Variants in EYS observed in about 807,000 individuals in gnomAD.
The protein encoded by EYS is EGF-like photoreceptor maintenance factor.
A neutral mutation model predicts 282.1 loss-of-function variants in EYS; 250 were observed. That is an observed-to-expected ratio of 0.89 (90% confidence interval 0.80 to 0.98). The LOEUF is 0.98. EYS is among the 50% of genes least tolerant of loss of function. EYS has a pLI of 0.00. For missense variants in EYS, 4,016 were observed against 3,709.0 expected, an observed-to-expected ratio of 1.08 and a Z score of -2.15; for synonymous variants, 1,355 against 1,282.9, an observed-to-expected ratio of 1.06 and a Z score of -1.20.
intron 1 of EYS, among the ~76,000 whole-genome samples, chr6:65,688,113 C>G (rs1311488989): frequency 1.3e-5 from 2 of 152,020 alleles, no homozygotes; most frequent in Non-Finnish European, 1.5e-5. Flanking sequence ...AAAAATGAGC[C>G]CACATTGCCA....
intron 15 of EYS, among the ~76,000 whole-genome samples, chr6:64,914,808 A>T (rs1768110738): frequency 6.6e-6 from 1 of 151,666 alleles, no homozygotes; most frequent in Non-Finnish European, 1.5e-5. Flanking sequence ...AGCTGTCTAA[A>T]TTTTTTTTTA....
At chr6:63,844,058 A>G (rs1007144764) in intron 36 of EYS, among the ~76,000 whole-genome samples, 2 of 152,048 alleles carry the variant, frequency 1.3e-5, no homozygotes, top group African/African-American at 4.8e-5. Context: ...CCCTGTGTCC[A>G]TGTGTTCTAG....
intron 16 of EYS, among the ~76,000 whole-genome samples, chr6:64,910,776 C>T (rs1436470382): frequency 6.6e-6 from 1 of 151,852 alleles, no homozygotes; most frequent in African/African-American, 2.4e-5. Context: ...ACTTTCTTTC[C>T]CTAAACCCGT....
rs1050857420 is a variant in EYS at position 65,689,742 on chromosome 6, A to G, written c.-448+17393T>C. 6.1e-4 allele frequency among the ~76,000 whole-genome samples: 92 copies of G among 149,866 alleles called. 2 individuals carry two copies. The highest frequency in any genetic ancestry group is 1.0e-3 in the Admixed American group (15 of 14,860). On this transcript the variant is annotated intron_variant, in intron 1 of 42. Coordinates refer to ENST00000503581, the MANE Select transcript of EYS (RefSeq NM_001142800.2). ...TCTGGGATACATGTGCAGAATGTGC[A>G]GATTTGTTACATAGGTATACATGTG... is the stretch of plus-strand genomic sequence containing the variant.
At chr6:64,376,390 T>C (rs1772561474) in intron 29 of EYS, among the ~76,000 whole-genome samples, 1 of 152,092 alleles carries the variant, frequency 6.6e-6, no homozygotes, top group South Asian at 2.1e-4. Context: ...ACCCTGAGGA[T>C]AAATACCCAG....
At chr6:64,202,952 A>G (rs1765507360) in intron 31 of EYS, among the ~76,000 whole-genome samples, 1 of 152,206 alleles carries the variant, frequency 6.6e-6, no homozygotes, top group Non-Finnish European at 1.5e-5. Flanking sequence ...TAGTCTCCAC[A>G]TTGTGAGAAA....
chr6:64,560,711 A>T lies in EYS; in HGVS notation c.5644+29512T>A, dbSNP rs149565214. On this transcript the variant is annotated intron_variant, in intron 26 of 42. Coordinates refer to ENST00000503581, the MANE Select transcript of EYS (RefSeq NM_001142800.2). ...ATAAAAATTTTCCTCAAAAAAATTT[A>T]AAAAATAAAGTTTGTTATATAAAAA... 1.9e-4 allele frequency among the ~76,000 whole-genome samples: 29 copies of T among 152,312 alleles called. No homozygotes were observed. In the East Asian group the frequency reaches 5.6e-3, roughly 29 times the overall value.
At chr6:64,660,928 A>G (rs1768989676) in intron 22 of EYS, among the ~76,000 whole-genome samples, 1 of 152,238 alleles carries the variant, frequency 6.6e-6, no homozygotes, top group Non-Finnish European at 1.5e-5. Context: ...CCGCATTGCC[A>G]AGTCAATCCT....
chr6:64,039,641 G>T lies in EYS; in HGVS notation c.6725+26697C>A, dbSNP rs112333676. On this transcript the variant is annotated intron_variant, in intron 33 of 42. Coordinates refer to ENST00000503581, the MANE Select transcript of EYS (RefSeq NM_001142800.2). ...GCAGTCTTAAAATTTATTTAAATGG[G>T]AATATAAGGTTGCCATTGTTTTAAT... Among the ~76,000 whole-genome samples, 1,206 of 152,100 alleles carry T rather than the reference G, an allele frequency of 7.9e-3. 11 individuals carry two copies. Among genetic ancestry groups the T allele is most frequent in the Middle Eastern group, 0.037 (11 of 294 alleles).
chr6:64,416,988 G>A (rs1774077000), intron 28 of EYS, among the ~76,000 whole-genome samples: 1 of 152,142 alleles, frequency 6.6e-6, no homozygotes, highest in South Asian at 2.1e-4. Flanking sequence ...GCAAGTGATG[G>A]TGGTAGTAGA....
intron 13 of EYS, among the ~76,000 whole-genome samples, chr6:65,029,729 C>T (rs192796496): frequency 1.3e-5 from 2 of 152,228 alleles, no homozygotes; most frequent in African/African-American, 4.8e-5. Flanking sequence ...GAGCATCTCC[C>T]AGCAAGAGAC....
chr6:64,642,439 T>A (rs1383087956), intron 22 of EYS, among the ~76,000 whole-genome samples: 1 of 152,222 alleles, frequency 6.6e-6, no homozygotes, highest in Non-Finnish European at 1.5e-5. Context: ...TTTCCTATAC[T>A]TACAATCGAT....
intron 39 of EYS, among the ~76,000 whole-genome samples, chr6:63,782,284 TC>T (rs1480230019): frequency 2.6e-5 from 4 of 152,222 alleles, no homozygotes; most frequent in Non-Finnish European, 5.9e-5. Context: ...TAGGGAAGAT[TC>T]CCTCTTTTTC....
intron 22 of EYS, among the ~76,000 whole-genome samples, chr6:64,791,092 C>G (rs1302736078): frequency 6.6e-6 from 1 of 151,794 alleles, no homozygotes. Context: ...GCATGGATTA[C>G]AGCTTTTCTC....
intron 33 of EYS, among the ~76,000 whole-genome samples, chr6:64,056,820 A>G (rs1771001928): frequency 6.6e-6 from 1 of 152,198 alleles, no homozygotes; most frequent in African/African-American, 2.4e-5. Flanking sequence ...GCCACTGGGT[A>G]CTGTGAACAT....
At chr6:64,243,076 T>C (rs1200915155) in intron 30 of EYS, among the ~76,000 whole-genome samples, 1 of 148,062 alleles carries the variant, frequency 6.8e-6, no homozygotes, top group Non-Finnish European at 1.5e-5. Flanking sequence ...TATGAAATTA[T>C]ATATTTACAT....
intron 30 of EYS, among the ~76,000 whole-genome samples, chr6:64,249,197 C>A (rs1415072927): frequency 6.6e-6 from 1 of 151,724 alleles, no homozygotes; most frequent in Non-Finnish European, 1.5e-5. Context: ...GTATATATAG[C>A]CATAAAGAAG....
At chr6:64,279,693 A>G (rs1048090281) in intron 30 of EYS, among the ~76,000 whole-genome samples, 4 of 152,194 alleles carry the variant, frequency 2.6e-5, no homozygotes, top group Non-Finnish European at 5.9e-5. Flanking sequence ...AACGAGAAGT[A>G]TTTATGTCCT....
chr6:64,566,035 T>G (rs1765558047), intron 26 of EYS, among the ~76,000 whole-genome samples: 1 of 151,572 alleles, frequency 6.6e-6, no homozygotes, highest in Admixed American at 6.6e-5. Flanking sequence ...AGAAATCTGG[T>G]TTCACAAATG....
Sources: gnomAD v4.1 joint callset for allele counts (sites outside exome capture counted in the v4.1 genomes callset) on GRCh38, gnomAD v4.1.1 for gene constraint, MANE v1.5 for transcripts, NCBI Gene and HGNC (gene_info 2026-07-23, HGNC 2026-07-21) for gene names.